EEFSEC: variants seen among roughly 807,000 people sequenced by gnomAD.
EEFSEC encodes eukaryotic elongation factor, selenocysteine-tRNA specific.
EEFSEC carries 43 observed loss-of-function variants against 42.1 expected under a neutral mutation model. That is an observed-to-expected ratio of 1.02 (90% CI 0.80 to 1.32). The LOEUF is 1.32. Among genes scored for constraint, EEFSEC ranks in the 40% most tolerant of loss-of-function variants. The probability of loss-of-function intolerance (pLI) is 0.00; values close to 1 mark genes in which losing one functional copy is unlikely to be tolerated. For missense variants in EEFSEC, 745 were observed against 803.6 expected (o/e 0.93, Z 0.88); for synonymous variants, 354 against 339.1 (o/e 1.04, Z -0.48).
intron 1 of EEFSEC, among the ~76,000 whole-genome samples, chr3:128,217,229 G>A (rs1164113747): frequency 6.6e-6 from 1 of 152,194 alleles, no homozygotes; most frequent in Non-Finnish European, 1.5e-5. Flanking sequence ...AGGATGGAGA[G>A]TAATGTAATC....
intron 4 of EEFSEC, among the ~76,000 whole-genome samples, chr3:128,292,041 A>G (rs112259421): frequency 6.6e-6 from 1 of 152,098 alleles, no homozygotes; most frequent in Non-Finnish European, 1.5e-5. Flanking sequence ...TTAAATTATT[A>G]TATAGTTTTT....
intron 2 of EEFSEC, among the ~76,000 whole-genome samples, chr3:128,252,047 T>C (rs1451281492): frequency 1.3e-5 from 2 of 152,234 alleles, no homozygotes; most frequent in South Asian, 2.1e-4. Flanking sequence ...CTTTTCTGTT[T>C]ATTTTTCCAC....
chr3:128,317,179 C>T lies in EEFSEC; in HGVS notation c.787-24054C>T, dbSNP rs1293708610. ...CCAGGCCTCAATAGGGCAGCAAGGG[C>T]CCCGCAGAAGCAGTGCGTGCTGCTG... On this transcript the variant is annotated intron_variant, in intron 4 of 6. Coordinates refer to ENST00000254730, the MANE Select transcript of EEFSEC (RefSeq NM_021937.5). This position sits in a 1 kb window ranked among gnomAD's most constrained non-coding sequence, Gnocchi z 4.1. 2.0e-5 allele frequency among the ~76,000 whole-genome samples: 3 copies of T among 152,164 alleles called. No individual in the cohort carries two copies. The highest frequency in any genetic ancestry group is 4.4e-5 in the Non-Finnish European group (3 of 68,036).
intron 1 of EEFSEC, among the ~76,000 whole-genome samples, chr3:128,236,700 G>T (rs897105399): frequency 2.6e-5 from 4 of 152,136 alleles, no homozygotes; most frequent in Admixed American, 6.5e-5. Context: ...GCATGTGGAG[G>T]CTTTGCACTT....
the EEFSEC span, among the ~76,000 whole-genome samples, chr3:128,421,003 G>T: frequency 0.041 from 6,190 of 152,266 alleles, 427 homozygotes; most frequent in African/African-American, 0.14. Flanking sequence ...CCCAGCCTGG[G>T]AGCATCATAG....
rs1269386428 is a variant in EEFSEC at position 128,153,714 on chromosome 3, C to T, written c.207C>T (p.Pro69=). 8.2e-6 allele frequency: 13 copies of T among 1,585,540 alleles called. No individual in the cohort carries two copies. The highest frequency in any genetic ancestry group is 1.0e-5 in the Non-Finnish European group (12 of 1,174,432). ...PLPARLRSSL[P]EFQAAPEAEP... is the part of the protein sequence containing the mutation. ...CCGCGCGCCTGCGGTCGTCTTTGCC[C>T]GAGTTCCAGGCAGCGCCCGAGGCCG... The change falls in exon 1 of 7, where the codon CCC becomes CCT. Residue 69 remains proline (P), a synonymous_variant. Transcript: ENST00000254730.
intron 1 of EEFSEC, among the ~76,000 whole-genome samples, chr3:128,208,704 T>TA (rs1448764453): frequency 2.0e-5 from 3 of 152,200 alleles, no homozygotes; most frequent in Non-Finnish European, 2.9e-5. Flanking sequence ...GTTTAGGAGC[T>TA]ATGTTTTATG....
chr3:128,202,842 G>A (rs2065656718), intron 1 of EEFSEC, among the ~76,000 whole-genome samples: 1 of 152,116 alleles, frequency 6.6e-6, no homozygotes, highest in African/African-American at 2.4e-5. Context: ...TTCCTAGTGT[G>A]GTGAATGGTT....
chr3:128,402,626 G>C (rs2068061692), intron 6 of EEFSEC, among the ~76,000 whole-genome samples: 1 of 152,254 alleles, frequency 6.6e-6, no homozygotes, highest in Non-Finnish European at 1.5e-5. Flanking sequence ...CCTCCGTGCT[G>C]TGGGGACATC....
chr3:128,306,256 C>T (rs940422061), intron 4 of EEFSEC, among the ~76,000 whole-genome samples: 1 of 151,880 alleles, frequency 6.6e-6, no homozygotes, highest in Admixed American at 6.6e-5. Context: ...TGAGATAAAC[C>T]CCCCACCTTA....
chr3:128,293,467 C>G (rs1242786601), intron 4 of EEFSEC, among the ~76,000 whole-genome samples: 1 of 144,098 alleles, frequency 6.9e-6, no homozygotes, highest in East Asian at 2.1e-4. Flanking sequence ...CGAGACCATC[C>G]TCGCTAACAC....
downstream of EEFSEC, among the ~76,000 whole-genome samples, chr3:128,413,405 A>G (rs141852081): frequency 6.6e-6 from 1 of 152,198 alleles, no homozygotes; most frequent in Non-Finnish European, 1.5e-5. Flanking sequence ...AGCCCAGTGC[A>G]GGGACCTCAG....
chr3:128,360,655 G>A (rs1008881316), intron 6 of EEFSEC, among the ~76,000 whole-genome samples: 1 of 151,662 alleles, frequency 6.6e-6, no homozygotes, highest in Non-Finnish European at 1.5e-5. Flanking sequence ...AGCCTCTCGG[G>A]GTGCTGGGGC....
At chr3:128,326,934 C>T (rs2067070037) in intron 4 of EEFSEC, among the ~76,000 whole-genome samples, 1 of 152,220 alleles carries the variant, frequency 6.6e-6, no homozygotes, top group Admixed American at 6.5e-5. Context: ...GTTCTATGCG[C>T]TGTGCTCACA....
At chr3:128,241,201 C>CTTTTTTTTT (rs373420882) in intron 1 of EEFSEC, among the ~76,000 whole-genome samples, 4 of 80,658 alleles carry the variant, frequency 5.0e-5, no homozygotes, top group Non-Finnish European at 6.5e-5. Context: ...CTCTCTCTCT[C>CTTTTTTTTT]TTTTTTTTTT....
At chr3:128,340,922 G>GC (rs2067243063) in intron 4 of EEFSEC, among the ~76,000 whole-genome samples, 1 of 152,230 alleles carries the variant, frequency 6.6e-6, no homozygotes, top group Non-Finnish European at 1.5e-5. Context: ...CTGGATTGGA[G>GC]CAGGGGTGAA....
intron 1 of EEFSEC, among the ~76,000 whole-genome samples, chr3:128,230,984 C>A (rs2065954056): frequency 6.6e-6 from 1 of 152,064 alleles, no homozygotes; most frequent in Non-Finnish European, 1.5e-5. Context: ...ATTTATGTTG[C>A]CTCAGATCAG....
the EEFSEC span, among the ~76,000 whole-genome samples, chr3:128,417,089 C>A: frequency 6.6e-5 from 10 of 152,268 alleles, no homozygotes; most frequent in African/African-American, 2.4e-4. This position sits in a 1 kb window ranked among gnomAD's most constrained non-coding sequence, Gnocchi z 4.3. Flanking sequence ...ACCCCATGGC[C>A]ACCAGCCCAG....
At chr3:128,354,580 T>G (rs1463730814) in intron 5 of EEFSEC, among the ~76,000 whole-genome samples, 1 of 152,210 alleles carries the variant, frequency 6.6e-6, no homozygotes, top group African/African-American at 2.4e-5. Flanking sequence ...TCTAGTCCTT[T>G]GTTTATGTAG....
Sources: gnomAD v4.1 joint callset for allele counts (sites outside exome capture counted in the v4.1 genomes callset) on GRCh38, gnomAD v4.1.1 for gene constraint, Gnocchi (gnomAD v3.1) non-coding constraint, MANE v1.5 for transcripts, NCBI Gene and HGNC (gene_info 2026-07-23, HGNC 2026-07-21) for gene names.